The following ARHGEF18 variants were observed in gnomAD, a reference collection of about 807,000 sequenced individuals.
The protein encoded by ARHGEF18 is rho guanine nucleotide exchange factor 18.
A neutral mutation model predicts 155.7 loss-of-function variants in ARHGEF18; 93 were observed. The observed-to-expected ratio is 0.60, with a 90% CI of 0.50 to 0.71. The LOEUF (loss-of-function observed/expected upper bound fraction) is 0.71. Among genes scored for constraint, ARHGEF18 ranks in the 30% least tolerant of loss-of-function variants. The pLI, the probability that ARHGEF18 is intolerant of heterozygous loss-of-function variation, is 0.00. For synonymous variants in ARHGEF18, 742 were observed against 753.1 expected (o/e 0.99, Z 0.24); for missense variants, 1,593 against 1,816.1 (o/e 0.88, Z 2.23).
rs1241339512 is a variant in ARHGEF18 at position 7,472,415 on chromosome 19, G to A, written c.*2117G>A. The A allele has an allele frequency of 2.6e-5, 4 of 155,116 alleles. No homozygotes were observed. Among genetic ancestry groups the A allele is most frequent in the Non-Finnish European group, 4.3e-5 (3 of 69,480 alleles). The allele number at this position is 155,116 out of a possible 1,614,324, so 9.6% of individuals were successfully genotyped here. A position where few individuals can be genotyped will look rare whatever the true frequency, so the allele number is the denominator to read the frequency against. On this transcript the variant is annotated 3_prime_UTR_variant, in exon 29 of 29. Coordinates refer to ENST00000668164, the MANE Select transcript of ARHGEF18 (RefSeq NM_001367823.1). ...AATGATTACAACATTTCCTCACTGC[G>A]GGATATTTCTGACCCGCTTTAGAAC... is the stretch of plus-strand genomic sequence containing the variant.
chr19:7,381,694 T>A (rs374117326), intron 8 of ARHGEF18, among the ~76,000 whole-genome samples: 19 of 113,584 alleles, frequency 1.7e-4, no homozygotes, highest in East Asian at 6.4e-4. Flanking sequence ...AAATAAATAA[T>A]AAATAAATAA....
At position 7,451,157 on chromosome 19, in the gene ARHGEF18, C is replaced by T. The variant is rs747711732; in HGVS notation, c.1746C>T (p.Gly582=). ...TGCTTTCTGTTTCCTAGAAAATTGG[C>T]AACTTCTCCATCGTGCGGCGGCTTG... ...KKFQNLIKKI[G]NFSIVRRLGV... The change falls in exon 16 of 29, where the codon GGC becomes GGT. Residue 582 remains glycine, a synonymous_variant. Transcript: ENST00000668164. 2 of 1,476,906 alleles carry T rather than the reference C, an allele frequency of 1.4e-6. No homozygotes were observed. Among genetic ancestry groups the T allele is most frequent in the East Asian group, 2.5e-5 (1 of 40,382 alleles). The allele number at this position is 1,476,906 out of a possible 1,614,324, so 91.5% of individuals were successfully genotyped here. A position where few individuals can be genotyped will look rare whatever the true frequency, so the allele number is the denominator to read the frequency against.
At chr19:7,428,406 TTTC>T (rs1415174741) in intron 10 of ARHGEF18, among the ~76,000 whole-genome samples, 3 of 152,150 alleles carry the variant, frequency 2.0e-5, no homozygotes, top group African/African-American at 7.2e-5. Context: ...GGAGATTTTC[TTTC>T]TTCTGAAATG....
chr19:7,363,711 G>T, intron 2 of ARHGEF18, among the ~76,000 whole-genome samples: 1 of 151,600 alleles, frequency 6.6e-6, no homozygotes, highest in Non-Finnish European at 1.5e-5. Context: ...GTGGAAGGAA[G>T]GAAGGAAGAA....
At position 7,451,187 on chromosome 19, in the gene ARHGEF18, G is replaced by T; in HGVS notation, c.1776G>T (p.Val592=). 6.4e-7 allele frequency: 1 copy of T among 1,569,006 alleles called. No individual in the cohort carries two copies. ...GNFSIVRRLG[V]QECILLVTQR... ...TCTCCATCGTGCGGCGGCTTGGCGTGCAGGAGTGCATTCTCCTGGTTACAC... is the reference window on the plus strand; with the variant it reads ...TCTCCATCGTGCGGCGGCTTGGCGTTCAGGAGTGCATTCTCCTGGTTACAC... The change falls in exon 16 of 29, where the codon GTG becomes GTT. Residue 592 remains valine (V), a synonymous_variant. Coordinates refer to ENST00000668164, the MANE Select transcript of ARHGEF18 (RefSeq NM_001367823.1).
chr19:7,408,349 C>T (rs1199512825), intron 10 of ARHGEF18, among the ~76,000 whole-genome samples: 1 of 152,190 alleles, frequency 6.6e-6, no homozygotes, highest in Non-Finnish European at 1.5e-5. Context: ...CACAGCCACT[C>T]AACTCAAAAG....
chr19:7,443,288 C>A (rs576178310), intron 13 of ARHGEF18, among the ~76,000 whole-genome samples: 1 of 152,066 alleles, frequency 6.6e-6, no homozygotes, highest in Non-Finnish European at 1.5e-5. Flanking sequence ...GACTCCTGAC[C>A]TCATGATCCT....
chr19:7,362,284 G>GAGGAGGAGGAAGAAGGAGA (rs1202881892), intron 1 of ARHGEF18, among the ~76,000 whole-genome samples: 12 of 149,324 alleles, frequency 8.0e-5, no homozygotes, highest in Non-Finnish European at 1.8e-4. Context: ...AGGAGAAGAA[G>GAGGAGGAGGAAGAAGGAGA]AGGAGGAGGA....
At chr19:7,451,340 A>G (rs535272580) in intron 16 of ARHGEF18, 74 bp downstream of exon 16, 10 of 1,244,386 alleles carry the variant, frequency 8.0e-6, no homozygotes, top group East Asian at 2.5e-5. Flanking sequence ...CCCACTCCCT[A>G]TTTGAGCAGC....
chr19:7,379,712 G>C (rs986228757), intron 7 of ARHGEF18, among the ~76,000 whole-genome samples: 1 of 152,158 alleles, frequency 6.6e-6, no homozygotes, highest in Admixed American at 6.5e-5. Flanking sequence ...TCCTGCCTAA[G>C]ACACTGCCAT....
intron 2 of ARHGEF18, among the ~76,000 whole-genome samples, chr19:7,366,920 A>G (rs112620987): frequency 7.0e-4 from 104 of 148,984 alleles, no homozygotes; most frequent in African/African-American, 2.5e-3. Flanking sequence ...ACGCCACCAC[A>G]TCCGGCTAGT....
At chr19:7,474,529 C>T (rs1012162408), downstream of ARHGEF18, among the ~76,000 whole-genome samples, 4 of 151,958 alleles carry the variant, frequency 2.6e-5, no homozygotes, top group African/African-American at 9.7e-5. Flanking sequence ...CAGGCACCCA[C>T]CATCATGCCC....
At position 7,457,851 on chromosome 19, in the gene ARHGEF18, T is replaced by C. The variant is rs552602524; in HGVS notation, c.2182-661T>C. Among the ~76,000 whole-genome samples the C allele has an allele frequency of 3.8e-4, 58 of 152,262 alleles. 1 individual carries two copies. In the South Asian group the frequency reaches 0.012, roughly 32 times the overall value. On this transcript the variant is annotated intron_variant, in intron 18 of 28. Coordinates refer to ENST00000668164, the MANE Select transcript of ARHGEF18 (RefSeq NM_001367823.1). ...GTGACAGACTAGAAATACCGGTGGC[T>C]CTGGGTGGCCTGAGGCACAAGACAG...
At chr19:7,426,662 A>G (rs945274352) in intron 10 of ARHGEF18, among the ~76,000 whole-genome samples, 1 of 152,066 alleles carries the variant, frequency 6.6e-6, no homozygotes, top group Non-Finnish European at 1.5e-5. Context: ...GTATTTTCCT[A>G]TGTCACAGAA....
intron 10 of ARHGEF18, among the ~76,000 whole-genome samples, chr19:7,421,235 T>C (rs1973332033): frequency 6.6e-6 from 1 of 152,178 alleles, no homozygotes. Flanking sequence ...AGTCGGCCCT[T>C]GAACAGCACG....
chr19:7,459,839 G>A (rs1393583118), intron 19 of ARHGEF18, 64 bp from the exon 20 acceptor site: 4 of 1,387,160 alleles, frequency 2.9e-6, no homozygotes, highest in African/African-American at 1.4e-5. Flanking sequence ...TGCAGAACCA[G>A]CGTCTGTGCC....
intron 20 of ARHGEF18, among the ~76,000 whole-genome samples, chr19:7,461,564 G>GGAAA (rs1361547857): frequency 6.6e-6 from 1 of 152,092 alleles, no homozygotes; most frequent in Non-Finnish European, 1.5e-5. Context: ...GAAGAAGGAA[G>GGAAA]GAAAGAAAGA....
At chr19:7,418,254 TTTTTGTTTTG>T (rs548862942) in intron 10 of ARHGEF18, among the ~76,000 whole-genome samples, 33 of 152,012 alleles carry the variant, frequency 2.2e-4, no homozygotes, top group Non-Finnish European at 3.1e-4. Context: ...TTGTGGGGTT[TTTTTGTTTTG>T]TTTTGTTTTG....
At chr19:7,450,443 G>A (rs560296033) in intron 15 of ARHGEF18, among the ~76,000 whole-genome samples, 926 of 51,152 alleles carry the variant, frequency 0.018, 2 homozygotes, top group African/African-American at 0.065. Context: ...TTCCGTTTCC[G>A]TTTCCGAGAT....
Sources: allele counts gnomAD v4.1 joint callset (sites outside exome capture counted in the v4.1 genomes callset), GRCh38; gene constraint gnomAD v4.1.1; transcripts MANE v1.5; gene names NCBI Gene and HGNC (gene_info 2026-07-23, HGNC 2026-07-21).